Variants in PCDH15 observed in about 807,000 individuals in gnomAD.
PCDH15 encodes the protein protocadherin related 15.
In PCDH15, 129 loss-of-function variants were observed where a neutral mutation model predicts 178.5. That is an observed-to-expected ratio of 0.72 (90% CI 0.63 to 0.84). PCDH15 has a LOEUF of 0.84. Ranked by LOEUF, PCDH15 falls within the 40% of genes least tolerant of loss-of-function variation. The pLI is 0.00. For synonymous variants in PCDH15, 800 were observed against 732.0 expected (o/e 1.09, Z -1.50); for missense variants, 2,230 against 2,099.9 (o/e 1.06, Z -1.21).
chr10:54,986,751 T>C (rs938022164), intron 2 of PCDH15, among the ~76,000 whole-genome samples: 1 of 152,200 alleles, frequency 6.6e-6, no homozygotes, highest in African/African-American at 2.4e-5. Context: ...ACCGCTTTGA[T>C]GTGCCTGTGT....
chr10:54,153,018 A>T (rs1398143082), intron 14 of PCDH15, 82 bp downstream of exon 14: 2 of 1,462,364 alleles, frequency 1.4e-6, no homozygotes, highest in Non-Finnish European at 1.9e-6. Flanking sequence ...AGGATAAAAG[A>T]ATACTTGCCG....
intron 2 of PCDH15, among the ~76,000 whole-genome samples, chr10:55,416,179 T>C (rs1440805215): frequency 6.6e-6 from 1 of 151,768 alleles, no homozygotes; most frequent in African/African-American, 2.4e-5. Flanking sequence ...AATACTAAAA[T>C]TAATAGGTTT....
intron 15 of PCDH15, among the ~76,000 whole-genome samples, chr10:54,090,976 AC>A (rs1172361067): frequency 6.6e-6 from 1 of 152,146 alleles, no homozygotes; most frequent in Admixed American, 6.6e-5. Flanking sequence ...ATAAATATTA[AC>A]CTTTTTGTTG....
intron 2 of PCDH15, among the ~76,000 whole-genome samples, chr10:54,633,049 G>T (rs992110009): frequency 2.0e-5 from 3 of 152,102 alleles, no homozygotes; most frequent in African/African-American, 7.2e-5. Flanking sequence ...CAGTTTAGCA[G>T]ATTAAAGCTG....
Position 54,726,434 on chromosome 10 carries a change from GTGTGTGTGTGTGT to G in PCDH15, c.-28-62157_-28-62145del, listed in dbSNP as rs1453099115. Among the ~76,000 whole-genome samples, 11 of 150,178 alleles carry G rather than the reference GTGTGTGTGTGTGT, an allele frequency of 7.3e-5. No individual in the cohort carries two copies. The East Asian group carries it at 1.6e-3, about 22-fold the overall frequency. The stretch of plus-strand genomic sequence containing the variant: ...ACCCATCAGGGGTGTGTGTGTGTGT[GTGTGTGTGTGTGT>G]GTGTGTGTGTGTGTGTATTTGAATT... On this transcript the variant is annotated intron_variant, in intron 1 of 37. Coordinates refer to ENST00000644397, the MANE Select transcript of PCDH15 (RefSeq NM_001384140.1).
chr10:54,751,915 TA>T (rs1227414572), intron 1 of PCDH15, among the ~76,000 whole-genome samples: 2 of 152,222 alleles, frequency 1.3e-5, no homozygotes. Flanking sequence ...TACTGCCATT[TA>T]ATGCTATTAA....
At chr10:54,854,909 T>C (rs2095475208) in intron 3 of PCDH15, among the ~76,000 whole-genome samples, 1 of 152,200 alleles carries the variant, frequency 6.6e-6, no homozygotes, top group African/African-American at 2.4e-5. Flanking sequence ...CCAGGAAACC[T>C]GTCTACCTTC....
chr10:54,015,145 T>C (rs2092702343), intron 20 of PCDH15, among the ~76,000 whole-genome samples: 1 of 152,110 alleles, frequency 6.6e-6, no homozygotes, highest in African/African-American at 2.4e-5. Flanking sequence ...AAATCAAGAA[T>C]GCAATCCCAT....
intron 28 of PCDH15, among the ~76,000 whole-genome samples, chr10:53,849,635 C>A (rs1482608706): frequency 6.6e-6 from 1 of 151,934 alleles, no homozygotes; most frequent in East Asian, 1.9e-4. Flanking sequence ...GAGGCTGAGG[C>A]AGGCGGATCA....
intron 2 of PCDH15, among the ~76,000 whole-genome samples, chr10:55,405,060 C>A (rs1212500223): frequency 1.3e-5 from 2 of 150,862 alleles, no homozygotes; most frequent in Non-Finnish European, 3.0e-5. Flanking sequence ...GAATAAACAA[C>A]CAATGAAAAA....
At chr10:54,768,143 T>A (rs1948718893) in intron 1 of PCDH15, among the ~76,000 whole-genome samples, 1 of 152,000 alleles carries the variant, frequency 6.6e-6, no homozygotes, top group East Asian at 1.9e-4. Flanking sequence ...AACCAAAGAG[T>A]CTAAATATGA....
In PCDH15 at chr10:54,717,443, G is replaced by A. The variant is rs2095494658; in HGVS notation, c.-28-53153C>T. ...AAAACAAACAACCCCATCAAAAAGT[G>A]GGCAAAGGACATGAACAGACACTTC... On this transcript the variant is annotated intron_variant, in intron 1 of 37. Transcript: ENST00000644397. 2.1e-5 allele frequency among the ~76,000 whole-genome samples: 3 copies of A among 144,100 alleles called. 1 individual carries two copies. The Admixed American group carries it at 2.1e-4, about 10-fold the overall frequency. The allele number at this position is 144,100 out of a possible 152,430, so 94.5% of individuals were successfully genotyped here.
chr10:55,024,559 A>G lies in PCDH15; in HGVS notation c.-79-127059T>C, dbSNP rs568520464. On this transcript the variant is annotated intron_variant, in intron 2 of 5. Coordinates refer to the PCDH15 transcript ENST00000458638. ...ATGTGTAATCAGTGATATCATATAC[A>G]TATCTCATTAGCACATGAAATCTAA... Among the ~76,000 whole-genome samples the G allele has an allele frequency of 7.9e-5, 12 of 152,076 alleles. No homozygotes were observed. In the South Asian group the frequency reaches 2.5e-3, roughly 32 times the overall value.
chr10:54,259,721 T>C (rs778962632), intron 8 of PCDH15, among the ~76,000 whole-genome samples: 2 of 152,142 alleles, frequency 1.3e-5, no homozygotes, highest in Non-Finnish European at 2.9e-5. Context: ...GAGAAGATTG[T>C]AGGATATAAA....
rs1394601562 is a variant in PCDH15, at chr10:54,203,553, T to C, written c.1099-7664A>G. 2.0e-5 allele frequency among the ~76,000 whole-genome samples: 3 copies of C among 152,248 alleles called. No individual in the cohort carries two copies. The East Asian group carries it at 5.8e-4, about 29-fold the overall frequency. Reference sequence around the variant, plus strand: ...TCAGAGTCAGAGAAAGACAAACGCATATAGAATGTACCCGGAAGGCAGATA... The same window carrying C: ...TCAGAGTCAGAGAAAGACAAACGCACATAGAATGTACCCGGAAGGCAGATA... On this transcript the variant is annotated intron_variant, in intron 10 of 37. Transcript: ENST00000644397.
intron 2 of PCDH15, among the ~76,000 whole-genome samples, chr10:55,519,597 T>C (rs1393698822): frequency 6.6e-6 from 1 of 152,104 alleles, no homozygotes; most frequent in Non-Finnish European, 1.5e-5. Context: ...TTTTTCCGTA[T>C]AATTTCTGTA....
At chr10:55,180,812 C>A (rs2132134112) in intron 1 of PCDH15, among the ~76,000 whole-genome samples, 1 of 152,090 alleles carries the variant, frequency 6.6e-6, no homozygotes, top group Non-Finnish European at 1.5e-5. Context: ...TTCCAGCTAC[C>A]TTTCTAAAAG....
At chr10:54,604,557 A>G (rs1182124991) in intron 2 of PCDH15, among the ~76,000 whole-genome samples, 1 of 151,946 alleles carries the variant, frequency 6.6e-6, no homozygotes, top group Non-Finnish European at 1.5e-5. Flanking sequence ...TTTGACATAA[A>G]GTCTATTTTG....
chr10:54,148,912 A>C (rs1287047539), intron 14 of PCDH15, among the ~76,000 whole-genome samples: 1 of 151,832 alleles, frequency 6.6e-6, no homozygotes, highest in Non-Finnish European at 1.5e-5. Context: ...TCTAATTTAA[A>C]AGTCTTTCCA....
Sources: gnomAD v4.1 joint callset for allele counts (sites outside exome capture counted in the v4.1 genomes callset) on GRCh38, gnomAD v4.1.1 for gene constraint, MANE v1.5 for transcripts, NCBI Gene and HGNC (gene_info 2026-07-23, HGNC 2026-07-21) for gene names.